NRG1: variants seen among roughly 807,000 people sequenced by gnomAD.
NRG1 encodes pro-neuregulin-1, membrane-bound isoform.
A neutral mutation model predicts 63.8 loss-of-function variants in NRG1; 18 were observed. That is an observed-to-expected ratio of 0.28 (90% confidence interval 0.19 to 0.42). The LOEUF is 0.42. NRG1 is among the 10% of genes least tolerant of loss of function. The pLI is 1.00. For synonymous variants in NRG1, 302 were observed against 301.3 expected, an observed-to-expected ratio of 1.00 and a Z score of -0.02; for missense variants, 762 against 814.7, an observed-to-expected ratio of 0.94 and a Z score of 0.79.
chr8:31,725,279 G>C (rs978108363), intron 1 of NRG1, among the ~76,000 whole-genome samples: 3 of 152,170 alleles, frequency 2.0e-5, no homozygotes, highest in Non-Finnish European at 4.4e-5. Flanking sequence ...CTAGGTGATT[G>C]ACTCCAGGCT....
intron 1 of NRG1, among the ~76,000 whole-genome samples, chr8:31,850,782 G>C (rs762368249): frequency 2.0e-5 from 3 of 152,150 alleles, no homozygotes; most frequent in Non-Finnish European, 4.4e-5. Context: ...AAGTGAGTCT[G>C]CACTCTCTCA....
intron 1 of NRG1, among the ~76,000 whole-genome samples, chr8:32,046,352 A>G (rs1255566563): frequency 6.6e-6 from 1 of 152,120 alleles, no homozygotes; most frequent in African/African-American, 2.4e-5. Context: ...GATTATAGGG[A>G]TACAAAATGG....
At chr8:31,759,879 T>A (rs1027507265) in intron 1 of NRG1, among the ~76,000 whole-genome samples, 7 of 152,280 alleles carry the variant, frequency 4.6e-5, no homozygotes, top group Non-Finnish European at 8.8e-5. Flanking sequence ...CATCACTAAT[T>A]TATCTCACCA....
intron 1 of NRG1, among the ~76,000 whole-genome samples, chr8:31,992,115 G>C (rs903702959): frequency 6.6e-6 from 1 of 151,764 alleles, no homozygotes; most frequent in Non-Finnish European, 1.5e-5. Flanking sequence ...TGAGAGGATT[G>C]CTTGAGGCCA....
chr8:32,239,044 T>C (rs958165880), intron 1 of NRG1, among the ~76,000 whole-genome samples: 5 of 152,214 alleles, frequency 3.3e-5, no homozygotes, highest in African/African-American at 1.2e-4. Flanking sequence ...ACTTGTTAGC[T>C]ATGTGGCCAG....
At chr8:32,333,982 A>C (rs1464829512) in intron 1 of NRG1, among the ~76,000 whole-genome samples, 1 of 152,136 alleles carries the variant, frequency 6.6e-6, no homozygotes, top group Admixed American at 6.5e-5. Context: ...CCTAGGTTGA[A>C]GTGCCACTTC....
chr8:31,896,065 A>G (rs1439085844), intron 1 of NRG1, among the ~76,000 whole-genome samples: 1 of 152,128 alleles, frequency 6.6e-6, no homozygotes, highest in Non-Finnish European at 1.5e-5. Context: ...AATTTCAGTA[A>G]AATTAAATTG....
chr8:32,108,253 A>G (rs1301528783), intron 1 of NRG1, among the ~76,000 whole-genome samples: 1 of 152,168 alleles, frequency 6.6e-6, no homozygotes, highest in Non-Finnish European at 1.5e-5. Flanking sequence ...TTGTGCTGCT[A>G]TAACAAAATG....
At chr8:31,753,792 G>A (rs1816710170) in intron 1 of NRG1, among the ~76,000 whole-genome samples, 1 of 151,898 alleles carries the variant, frequency 6.6e-6, no homozygotes, top group African/African-American at 2.4e-5. Context: ...TTCATCCCTA[G>A]ATTATTGCAG....
chr8:31,707,802 G>A (rs1447071424), intron 1 of NRG1, among the ~76,000 whole-genome samples: 2 of 151,994 alleles, frequency 1.3e-5, no homozygotes, highest in African/African-American at 4.8e-5. Context: ...GCTTGTAGTT[G>A]TTTTTCAGTT....
intron 5 of NRG1, among the ~76,000 whole-genome samples, chr8:32,671,179 G>A (rs1030823306): frequency 4.0e-5 from 6 of 150,340 alleles, no homozygotes; most frequent in African/African-American, 1.5e-4. Flanking sequence ...AATGATTCTA[G>A]GTTAGCTTTT....
chr8:32,511,979 T>G (rs1829273750), intron 1 of NRG1, among the ~76,000 whole-genome samples: 1 of 152,136 alleles, frequency 6.6e-6, no homozygotes, highest in Non-Finnish European at 1.5e-5. Context: ...GACATTGTGC[T>G]GGTCTCTTTC....
chr8:32,241,527 G>A (rs989183656), intron 1 of NRG1, among the ~76,000 whole-genome samples: 1 of 152,060 alleles, frequency 6.6e-6, no homozygotes, highest in Non-Finnish European at 1.5e-5. Context: ...CAACACATAA[G>A]CTCCAAAATG....
chr8:31,741,997 G>A (rs1815323955), intron 1 of NRG1, among the ~76,000 whole-genome samples: 1 of 151,984 alleles, frequency 6.6e-6, no homozygotes, highest in Non-Finnish European at 1.5e-5. Flanking sequence ...AGATAGATAG[G>A]AGTGCTATAC....
At chr8:32,155,373 A>T (rs898898367) in intron 1 of NRG1, among the ~76,000 whole-genome samples, 4 of 152,210 alleles carry the variant, frequency 2.6e-5, no homozygotes, top group African/African-American at 9.6e-5. Flanking sequence ...CAGAGCGTAT[A>T]GCCTTGGCCA....
chr8:32,043,609 T>C (rs1050986405), intron 1 of NRG1, among the ~76,000 whole-genome samples: 5 of 152,004 alleles, frequency 3.3e-5, no homozygotes, highest in African/African-American at 1.2e-4. Flanking sequence ...CATTGGCTGA[T>C]ACAGTTTTTA....
chr8:32,608,087 TTTTTG>T (rs1446916467), intron 3 of NRG1, among the ~76,000 whole-genome samples: 41 of 119,886 alleles, frequency 3.4e-4, no homozygotes, highest in South Asian at 1.0e-3. Context: ...ACCCAGGTTT[TTTTTG>T]TTTTTTTTTT....
chr8:32,765,283 T>C (rs1434091859), exon 12 of NRG1: 1 of 152,142 alleles, frequency 6.6e-6, no homozygotes, highest in Non-Finnish European at 1.5e-5. Flanking sequence ...TGCAATCATT[T>C]CTGACATGTA....
intron 1 of NRG1, among the ~76,000 whole-genome samples, chr8:32,003,782 A>G (rs1365009245): frequency 6.6e-6 from 1 of 151,890 alleles, no homozygotes; most frequent in Non-Finnish European, 1.5e-5. Flanking sequence ...AGGACATAAA[A>G]GGCAAAGAGA....
Sources: gnomAD v4.1 joint callset for allele counts (sites outside exome capture counted in the v4.1 genomes callset) on GRCh38, gnomAD v4.1.1 for gene constraint, MANE v1.5 for transcripts, NCBI Gene and HGNC (gene_info 2026-07-23, HGNC 2026-07-21) for gene names.